KIRREL3: variants seen among roughly 807,000 people sequenced by gnomAD.
The protein encoded by KIRREL3 is kin of IRRE-like protein 3.
KIRREL3 carries 36 observed loss-of-function variants against 89.7 expected under a neutral mutation model. The ratio of observed to expected loss-of-function variants is 0.40; its 90% CI spans 0.31 to 0.53. The LOEUF is 0.53. Ranked by LOEUF, KIRREL3 falls within the 20% of genes least tolerant of loss-of-function variation. The pLI is 0.49. For missense variants in KIRREL3, 864 were observed against 1,056.6 expected (o/e 0.82, Z 2.53); for synonymous variants, 445 against 441.4 (o/e 1.01, Z -0.10).
At position 126,908,250 on chromosome 11, in the gene KIRREL3, A is replaced by T. The variant is rs888562003; in HGVS notation, c.55+92205T>A. Among the ~76,000 whole-genome samples the T allele has an allele frequency of 3.3e-5, 5 of 152,232 alleles. No homozygotes were observed. Among genetic ancestry groups the T allele is most frequent in the African/African-American group, 4.8e-5 (2 of 41,462 alleles). On this transcript the variant is annotated intron_variant, in intron 1 of 16. Coordinates refer to ENST00000525144, the MANE Select transcript of KIRREL3 (RefSeq NM_032531.4). The surrounding 1 kb of genome is among the most constrained non-coding windows in gnomAD (Gnocchi z 4.2). Reference sequence around the variant, plus strand: ...ATAAATAAATCTAGGTGGATATTCCAATCGGTTGCTTTGACATTCATGGAT... The same window carrying T: ...ATAAATAAATCTAGGTGGATATTCCTATCGGTTGCTTTGACATTCATGGAT...
intron 1 of KIRREL3, among the ~76,000 whole-genome samples, chr11:126,851,977 T>C (rs1249502039): frequency 6.6e-6 from 1 of 151,736 alleles, no homozygotes; most frequent in Non-Finnish European, 1.5e-5. Context: ...GCAGCCTCCT[T>C]GCCTGACCCT....
chr11:126,962,831 C>G (rs147011534), intron 1 of KIRREL3, among the ~76,000 whole-genome samples: 1 of 152,142 alleles, frequency 6.6e-6, no homozygotes, highest in Non-Finnish European at 1.5e-5. Flanking sequence ...CCACCCTGAT[C>G]AGTCAGCAGT....
Position 126,879,419 on chromosome 11 carries a change from CTGA to C in KIRREL3, c.55+121033_55+121035del, listed in dbSNP as rs1945412478. On this transcript the variant is annotated intron_variant, in intron 1 of 16. Transcript: ENST00000525144. This position sits in a 1 kb window ranked among gnomAD's most constrained non-coding sequence, Gnocchi z 5.4. Reference sequence around the variant, plus strand: ...GCAGCCAGCTGTACCGGAGAAGCAGCTGATGAGGTTGCAGTTGCTCCTGGGCCC... The same window carrying C: ...GCAGCCAGCTGTACCGGAGAAGCAGCTGAGGTTGCAGTTGCTCCTGGGCCC... 6.6e-6 allele frequency among the ~76,000 whole-genome samples: 1 copy of C among 152,204 alleles called. No homozygotes were observed. Among genetic ancestry groups the C allele is most frequent in the African/African-American group, 2.4e-5 (1 of 41,452 alleles).
intron 5 of KIRREL3, among the ~76,000 whole-genome samples, chr11:126,467,405 T>C (rs1956762110): frequency 6.6e-6 from 1 of 152,166 alleles, no homozygotes. Flanking sequence ...CTCTGCTCTT[T>C]CCAAAGCCCC....
chr11:126,768,213 CCATCCATCCATT>C lies in KIRREL3; in HGVS notation c.56-205313_56-205302del, dbSNP rs1183058220. On this transcript the variant is annotated intron_variant, in intron 1 of 16. Coordinates refer to ENST00000525144, the MANE Select transcript of KIRREL3 (RefSeq NM_032531.4). The surrounding 1 kb of genome is among the most constrained non-coding windows in gnomAD (Gnocchi z 4.5). ...TCCATCCATCCATCCATCCATCCAT[CCATCCATCCATT>C]CAATCTGTCCATCTGTCCATCCATA... Among the ~76,000 whole-genome samples, 4 of 150,504 alleles carry C rather than the reference CCATCCATCCATT, an allele frequency of 2.7e-5. No homozygotes were observed. In the East Asian group the frequency reaches 7.9e-4, roughly 30 times the overall value.
chr11:126,746,827 G>A (rs1949167563), intron 1 of KIRREL3, among the ~76,000 whole-genome samples: 1 of 152,174 alleles, frequency 6.6e-6, no homozygotes, highest in South Asian at 2.1e-4. Context: ...TGCTTAGCAA[G>A]AACCTGCGGA....
chr11:126,681,729 G>A (rs1286320408), intron 1 of KIRREL3: 2 of 354,826 alleles, frequency 5.6e-6, no homozygotes, highest in Admixed American at 3.8e-5. Context: ...ATAAACATTT[G>A]TTTAATTGAA....
At chr11:126,862,742 A>G (rs921325949) in intron 1 of KIRREL3, among the ~76,000 whole-genome samples, 7 of 152,198 alleles carry the variant, frequency 4.6e-5, no homozygotes, top group African/African-American at 1.7e-4. Flanking sequence ...CTATACCACA[A>G]TAGGTCCTTT....
chr11:126,676,709 T>C lies in KIRREL3; in HGVS notation c.56-113797A>G, dbSNP rs1946205657. Among the ~76,000 whole-genome samples the C allele has an allele frequency of 6.6e-6, 1 of 152,140 alleles. No individual in the cohort carries two copies. The highest frequency in any genetic ancestry group is 1.5e-5 in the Non-Finnish European group (1 of 68,014). On this transcript the variant is annotated intron_variant, in intron 1 of 16. Transcript: ENST00000525144. This position sits in a 1 kb window ranked among gnomAD's most constrained non-coding sequence, Gnocchi z 4.5. ...GCCAAAGATGCATCTGGGCCCCATA[T>C]GCGACCCAGGGCTTCCCATGGCAAC...
At chr11:126,539,997 G>C (rs943063178) in intron 2 of KIRREL3, among the ~76,000 whole-genome samples, 2 of 152,136 alleles carry the variant, frequency 1.3e-5, no homozygotes, top group African/African-American at 4.8e-5. Flanking sequence ...ATCTTGTTGA[G>C]GTTTGCACAG....
rs1950006810 is a variant in KIRREL3 at position 126,771,105 on chromosome 11, G to A, written c.56-208193C>T. 6.6e-6 allele frequency among the ~76,000 whole-genome samples: 1 copy of A among 152,170 alleles called. No homozygotes were observed. The highest frequency in any genetic ancestry group is 1.5e-5 in the Non-Finnish European group (1 of 68,034). On this transcript the variant is annotated intron_variant, in intron 1 of 16. Coordinates refer to ENST00000525144, the MANE Select transcript of KIRREL3 (RefSeq NM_032531.4). The surrounding 1 kb of genome is among the most constrained non-coding windows in gnomAD (Gnocchi z 4.4). ...GCTTGCCTTGGCATCCCAAAGTCCT[G>A]GGATTACAGGCATGAGCCACTTCCT...
intron 4 of KIRREL3, among the ~76,000 whole-genome samples, chr11:126,478,542 CAT>C (rs1182660401): frequency 6.6e-6 from 1 of 150,462 alleles, no homozygotes; most frequent in Non-Finnish European, 1.5e-5. Context: ...TATGTGTGTA[CAT>C]GTGTGTATAT....
chr11:126,835,327 T>A (rs1330737962), intron 1 of KIRREL3, among the ~76,000 whole-genome samples: 1 of 152,174 alleles, frequency 6.6e-6, no homozygotes, highest in African/African-American at 2.4e-5. Flanking sequence ...AAGGAATAAA[T>A]AGGCTGGTAG....
chr11:126,453,442 C>G (rs12577641), intron 7 of KIRREL3, among the ~76,000 whole-genome samples: 23,976 of 152,102 alleles, frequency 0.16, 2,524 homozygotes, highest in East Asian at 0.39. Context: ...ATGACAGCCT[C>G]TTAGTGACAG....
rs1036900178 is a variant in KIRREL3 at position 126,708,729 on chromosome 11, C to T, written c.56-145817G>A. ...TTCTCCGGGGCCTCCAGGGCCCTCCCGCACATTCAGCATGATCTCTGAGGA... is the reference window on the plus strand; with the variant it reads ...TTCTCCGGGGCCTCCAGGGCCCTCCTGCACATTCAGCATGATCTCTGAGGA... On this transcript the variant is annotated intron_variant, in intron 1 of 16. Coordinates refer to ENST00000525144, the MANE Select transcript of KIRREL3 (RefSeq NM_032531.4). The surrounding 1 kb of genome is among the most constrained non-coding windows in gnomAD (Gnocchi z 5.7). 1.3e-5 allele frequency among the ~76,000 whole-genome samples: 2 copies of T among 152,174 alleles called. No individual in the cohort carries two copies. Among genetic ancestry groups the T allele is most frequent in the East Asian group, 1.9e-4 (1 of 5,180 alleles).
At position 126,872,344 on chromosome 11, in the gene KIRREL3, AT is replaced by A. The variant is rs1945134852; in HGVS notation, c.55+128110del. ...TAATTTGCATGTAAATAAAGGGGGT[AT>A]AAACACAGTTGTCAGCAGCCCATAT... is the stretch of plus-strand genomic sequence containing the variant. On this transcript the variant is annotated intron_variant, in intron 1 of 16. Transcript: ENST00000525144. The surrounding 1 kb of genome is among the most constrained non-coding windows in gnomAD (Gnocchi z 4.2). Among the ~76,000 whole-genome samples, 1 of 152,238 alleles carries A rather than the reference AT, an allele frequency of 6.6e-6. No homozygotes were observed. The highest frequency in any genetic ancestry group is 1.5e-5 in the Non-Finnish European group (1 of 68,032).
intron 5 of KIRREL3, among the ~76,000 whole-genome samples, chr11:126,464,364 A>C (rs1159456864): frequency 7.4e-6 from 1 of 134,882 alleles, no homozygotes; most frequent in East Asian, 2.5e-4. Context: ...AAAAAAAAAG[A>C]AAAAAATTAA....
rs138351907 is a variant in KIRREL3 at position 126,934,069 on chromosome 11, A to G, written c.55+66386T>C. Among the ~76,000 whole-genome samples, 543 of 152,308 alleles carry G rather than the reference A, an allele frequency of 3.6e-3. 1 individual carries two copies. The highest frequency in any genetic ancestry group is 0.013 in the African/African-American group (521 of 41,576). On this transcript the variant is annotated intron_variant, in intron 1 of 16. Transcript: ENST00000525144. The stretch of plus-strand genomic sequence containing the variant: ...ATTTCCTGGTTTTAAAACATACTAC[A>G]AAGTTACAGTAATCCACACAGTGTG...
intron 1 of KIRREL3, among the ~76,000 whole-genome samples, chr11:126,671,725 A>C (rs2135060225): frequency 6.6e-6 from 1 of 152,104 alleles, no homozygotes; most frequent in East Asian, 1.9e-4. Flanking sequence ...TTAAAATTAC[A>C]ACATACCTCT....
Sources: allele counts gnomAD v4.1 joint callset (sites outside exome capture counted in the v4.1 genomes callset), GRCh38; gene constraint gnomAD v4.1.1; non-coding constraint Gnocchi (gnomAD v3.1); transcripts MANE v1.5; gene names NCBI Gene and HGNC (gene_info 2026-07-23, HGNC 2026-07-21).